The following CIT variants were observed in gnomAD, a reference collection of about 807,000 sequenced individuals.
CIT encodes citron Rho-interacting kinase.
Under a neutral mutation model 272.7 loss-of-function variants are expected in CIT, and 79 were observed. That is an observed-to-expected ratio of 0.29 (90% confidence interval 0.24 to 0.35). CIT has a LOEUF of 0.35. Among genes scored for constraint, CIT ranks in the 10% least tolerant of loss-of-function variants. The probability of loss-of-function intolerance (pLI) is 1.00; values close to 1 mark genes in which losing one functional copy is unlikely to be tolerated. For missense variants in CIT, 1,909 were observed against 2,618.3 expected (o/e 0.73, Z 5.91); for synonymous variants, 948 against 995.6 (o/e 0.95, Z 0.90).
At chr12:119,709,081 T>C (rs931885108) in intron 39 of CIT, among the ~76,000 whole-genome samples, 2 of 152,204 alleles carry the variant, frequency 1.3e-5, no homozygotes, top group African/African-American at 2.4e-5. Flanking sequence ...TGGGACATTA[T>C]AGAAGCCACA....
intron 9 of CIT, among the ~76,000 whole-genome samples, chr12:119,822,025 A>T (rs1423569764): frequency 6.6e-6 from 1 of 152,220 alleles, no homozygotes; most frequent in Admixed American, 6.5e-5. Context: ...TGGTTTTGAC[A>T]CCTAGAAACA....
chr12:119,687,808 A>G lies in CIT; in HGVS notation c.*424T>C, dbSNP rs2136887274. The stretch of plus-strand genomic sequence containing the variant: ...TTCTGTTGTCTTAAAAAAAAAAAAA[A>G]AAAAAGGAAAGAAACAAAGAGAAAA... On this transcript the variant is annotated 3_prime_UTR_variant, in exon 48 of 48. Coordinates refer to ENST00000392521, the MANE Select transcript of CIT (RefSeq NM_001206999.2). 6.0e-6 allele frequency: 1 copy of G among 165,444 alleles called. No homozygotes were observed. The highest frequency in any genetic ancestry group is 2.0e-4 in the South Asian group (1 of 5,122). 10.2% of individuals were successfully genotyped at this position (165,444 alleles called of 1,614,324 possible).
chr12:119,815,273 A>C (rs1049605180), intron 9 of CIT, among the ~76,000 whole-genome samples: 4 of 151,250 alleles, frequency 2.6e-5, no homozygotes, highest in Non-Finnish European at 5.9e-5. Context: ...TTTTCATTTG[A>C]GAAGAGCACT....
chr12:119,803,421 G>C, intron 9 of CIT, 32 bp from the exon 10 acceptor site: 1 of 1,487,986 alleles, frequency 6.7e-7, no homozygotes, highest in Non-Finnish European at 9.0e-7. Flanking sequence ...AGGAGGCGGG[G>C]AGGAAAAAAA....
At chr12:119,743,561 T>C (rs915082795) in intron 23 of CIT, among the ~76,000 whole-genome samples, 1 of 152,188 alleles carries the variant, frequency 6.6e-6, no homozygotes, top group Admixed American at 6.5e-5. Flanking sequence ...AAAGATAGAA[T>C]TGAAAACATC....
Position 119,770,906 on chromosome 12 carries a change from C to T in CIT, c.2087G>A (p.Arg696His), listed in dbSNP as rs576662562. 135 of 1,612,678 alleles carry T rather than the reference C, an allele frequency of 8.4e-5. No individual in the cohort carries two copies. The highest frequency in any genetic ancestry group is 2.1e-4 in the South Asian group (19 of 91,032). Residue 696 changes from arginine to histidine, a missense_variant, in exon 18 of 48, where the codon CGC (arginine) becomes CAC (histidine). Coordinates refer to ENST00000392521, the MANE Select transcript of CIT (RefSeq NM_001206999.2). The surrounding 1 kb of genome is among the most constrained non-coding windows in gnomAD (Gnocchi z 4.4). ...TACCTTGTTCTCCAGAGAATGGCGGCGTTCCTGTAGATCATGAATCAATCA... is the reference window on the plus strand; with the variant it reads ...TACCTTGTTCTCCAGAGAATGGCGGTGTTCCTGTAGATCATGAATCAATCA... ...IRKKLVEAEE[R>H]RHSLENKVKR...
At chr12:119,759,025 G>A (rs1393119683) in intron 20 of CIT, among the ~76,000 whole-genome samples, 2 of 152,204 alleles carry the variant, frequency 1.3e-5, no homozygotes, top group Admixed American at 6.5e-5. Context: ...GGGCCTGCAA[G>A]TCTCTTAACT....
intron 30 of CIT, among the ~76,000 whole-genome samples, chr12:119,720,153 T>A (rs1202876273): frequency 6.6e-6 from 1 of 152,224 alleles, no homozygotes; most frequent in Non-Finnish European, 1.5e-5. Context: ...TATGCATGAC[T>A]TGGTATAAAT....
intron 24 of CIT, among the ~76,000 whole-genome samples, chr12:119,738,344 T>C (rs954403415): frequency 6.6e-6 from 1 of 152,146 alleles, no homozygotes; most frequent in African/African-American, 2.4e-5. Flanking sequence ...AATTGTTAGG[T>C]CTACTTTCTG....
intron 19 of CIT, among the ~76,000 whole-genome samples, chr12:119,765,077 G>C (rs1438064496): frequency 1.3e-5 from 2 of 151,902 alleles, no homozygotes; most frequent in Admixed American, 6.6e-5. Flanking sequence ...CCAAGTGCTG[G>C]GATTACAGGC....
chr12:119,707,270 A>G (rs1409490372), intron 40 of CIT, among the ~76,000 whole-genome samples: 1 of 152,156 alleles, frequency 6.6e-6, no homozygotes, highest in East Asian at 1.9e-4. Flanking sequence ...TTGCTCTCAG[A>G]CATTTATTTT....
chr12:119,704,243 C>G (rs546433775), intron 41 of CIT, 120 bp downstream of exon 41: 1 of 897,216 alleles, frequency 1.1e-6, no homozygotes, highest in Non-Finnish European at 1.7e-6. Flanking sequence ...GCTAAAGGCC[C>G]GCAGGGTAGA....
At position 119,860,559 on chromosome 12, in the gene CIT, C is replaced by A. The variant is rs139544161; in HGVS notation, c.239-2861G>T. On this transcript the variant is annotated intron_variant, in intron 3 of 47. Coordinates refer to ENST00000392521, the MANE Select transcript of CIT (RefSeq NM_001206999.2). ...GTTATTGCTCATACACAAAGCCAATCTCTCCTAATTCTCTAGTATGCCTTG... is the reference window on the plus strand; with the variant it reads ...GTTATTGCTCATACACAAAGCCAATATCTCCTAATTCTCTAGTATGCCTTG... Among the ~76,000 whole-genome samples the A allele has an allele frequency of 5.3e-5, 8 of 152,276 alleles. No individual in the cohort carries two copies. In the East Asian group the frequency reaches 1.2e-3, roughly 22 times the overall value.
chr12:119,811,340 G>A (rs1295655328), intron 9 of CIT, among the ~76,000 whole-genome samples: 2 of 152,086 alleles, frequency 1.3e-5, no homozygotes, highest in Non-Finnish European at 2.9e-5. Context: ...AGAAGACAAA[G>A]GAGTTCCAGT....
intron 18 of CIT, among the ~76,000 whole-genome samples, chr12:119,769,753 C>A (rs538602644): frequency 5.6e-4 from 86 of 152,222 alleles, no homozygotes; most frequent in South Asian, 1.5e-3. Context: ...ACAATTTAAC[C>A]CATTTTTCTT....
chr12:119,803,333 C>T lies in CIT; in HGVS notation c.1168G>A (p.Glu390Lys). 2 of 1,605,620 alleles carry T rather than the reference C, an allele frequency of 1.2e-6. No individual in the cohort carries two copies. The highest frequency in any genetic ancestry group is 1.7e-6 in the Non-Finnish European group (2 of 1,176,048). The change falls in exon 10 of 48, where the codon GAA (glutamate) becomes AAA (lysine). Residue 390 changes from glutamate to lysine, a missense_variant. Coordinates refer to ENST00000392521, the MANE Select transcript of CIT (RefSeq NM_001206999.2). ...KSDDDTSNFD[E>K]PEKNSWVSSS... Reference sequence around the variant, plus strand: ...GAAACCCACGAATTCTTCTCTGGTTCATCAAAATTGGAGGTGTCATCGTCA... The same window carrying T: ...GAAACCCACGAATTCTTCTCTGGTTTATCAAAATTGGAGGTGTCATCGTCA...
In CIT at chr12:119,688,235, T is replaced by C. The variant is rs773882555; in HGVS notation, c.6207A>G (p.Val2069=). ...AGTTGGTTTTTCTGGCTGAGATTTA[T>C]ACTGAAGACTGGTCCCAGACCTAGG... The part of the protein sequence containing the change: ...QVNKVWDQSS[V] Residue 2069 remains valine (V), a synonymous_variant, in exon 48 of 48, where the codon GTA becomes GTG. Transcript: ENST00000392521. 15 of 1,613,400 alleles carry C rather than the reference T, an allele frequency of 9.3e-6. No homozygotes were observed. Among genetic ancestry groups the C allele is most frequent in the Non-Finnish European group, 1.2e-5 (14 of 1,179,662 alleles).
chr12:119,694,205 C>A lies in CIT; in HGVS notation c.5882+3454G>T, dbSNP rs192045397. On this transcript the variant is annotated intron_variant, in intron 46 of 47. Coordinates refer to ENST00000392521, the MANE Select transcript of CIT (RefSeq NM_001206999.2). The surrounding 1 kb of genome is among the most constrained non-coding windows in gnomAD (Gnocchi z 4.5). Reference sequence around the variant, plus strand: ...AACTCCACACTGTCCATCAGATTTACAAATCCACATCAGCCATCACCCATT... The same window carrying A: ...AACTCCACACTGTCCATCAGATTTAAAAATCCACATCAGCCATCACCCATT... Among the ~76,000 whole-genome samples the A allele has an allele frequency of 6.6e-6, 1 of 152,180 alleles. No individual in the cohort carries two copies. The highest frequency in any genetic ancestry group is 6.5e-5 in the Admixed American group (1 of 15,276).
At chr12:119,810,706 G>GAAA (rs5801367) in intron 9 of CIT, among the ~76,000 whole-genome samples, 2 of 100,230 alleles carry the variant, frequency 2.0e-5, no homozygotes, top group Admixed American at 1.1e-4. Context: ...CATCATCTCA[G>GAAA]AAAAAAAAAA....
Sources: allele counts gnomAD v4.1 joint callset (sites outside exome capture counted in the v4.1 genomes callset), GRCh38; gene constraint gnomAD v4.1.1; non-coding constraint Gnocchi (gnomAD v3.1); transcripts MANE v1.5; gene names NCBI Gene and HGNC (gene_info 2026-07-23, HGNC 2026-07-21).